Variants in CALN1 observed in about 807,000 individuals in gnomAD.
CALN1 encodes calneuron 1, also known as calcium-binding protein 8.
Under a neutral mutation model 30.6 loss-of-function variants are expected in CALN1, and 17 were observed. That is an observed-to-expected ratio of 0.56 (90% CI 0.38 to 0.83). The LOEUF (loss-of-function observed/expected upper bound fraction) is 0.83. CALN1 is among the 40% of genes least tolerant of loss of function. The pLI is 0.00. For synonymous variants in CALN1, 156 were observed against 131.4 expected, an observed-to-expected ratio of 1.19 and a Z score of -1.28; for missense variants, 291 against 354.9, an observed-to-expected ratio of 0.82 and a Z score of 1.45.
chr7:72,311,651 A>ATTTT (rs56197069), intron 2 of CALN1, among the ~76,000 whole-genome samples: 2 of 48,468 alleles, frequency 4.1e-5, no homozygotes, highest in African/African-American at 1.6e-4. Context: ...CCTGGCTGAG[A>ATTTT]TTTTTTTTTT....
intron 1 of CALN1, among the ~76,000 whole-genome samples, chr7:72,404,192 C>A (rs1227480293): frequency 6.6e-6 from 1 of 152,170 alleles, no homozygotes; most frequent in African/African-American, 2.4e-5. Flanking sequence ...TTAAGGCACC[C>A]CTCGTCTCTG....
chr7:72,014,069 G>A (rs953747349), intron 5 of CALN1, among the ~76,000 whole-genome samples: 1 of 144,548 alleles, frequency 6.9e-6, no homozygotes, highest in Admixed American at 6.9e-5. Context: ...TTCTATCAGT[G>A]TTATATGAGT....
intron 3 of CALN1, among the ~76,000 whole-genome samples, chr7:72,225,070 C>G (rs1182644023): frequency 1.3e-5 from 2 of 151,566 alleles, no homozygotes; most frequent in African/African-American, 4.8e-5. Context: ...CCACTGCACT[C>G]TAGCCTGGGT....
At chr7:71,988,624 T>C (rs981749581) in intron 5 of CALN1, among the ~76,000 whole-genome samples, 1 of 152,166 alleles carries the variant, frequency 6.6e-6, no homozygotes. Flanking sequence ...TTTCTGTGTG[T>C]ATTCTTCTGG....
intron 5 of CALN1, among the ~76,000 whole-genome samples, chr7:71,937,764 C>A (rs1473653546): frequency 6.6e-6 from 1 of 152,216 alleles, no homozygotes; most frequent in African/African-American, 2.4e-5. Flanking sequence ...CAGGCATGAG[C>A]CACTGCACCT....
intron 2 of CALN1, among the ~76,000 whole-genome samples, chr7:72,384,603 T>C (rs1237470365): frequency 6.6e-6 from 1 of 151,612 alleles, no homozygotes; most frequent in Non-Finnish European, 1.5e-5. Context: ...TGTGATCAGC[T>C]ACTGCACTCC....
intron 5 of CALN1, among the ~76,000 whole-genome samples, chr7:71,932,109 T>A (rs916169995): frequency 6.6e-6 from 1 of 152,178 alleles, no homozygotes; most frequent in Non-Finnish European, 1.5e-5. Flanking sequence ...GAGTCCCAGG[T>A]TGTCAGTGTG....
chr7:72,455,123 G>A, the CALN1 span, among the ~76,000 whole-genome samples: 20 of 151,846 alleles, frequency 1.3e-4, no homozygotes, highest in Admixed American at 5.3e-4. Flanking sequence ...GAGCCACCGC[G>A]CCCGGCCTCT....
At chr7:72,298,972 G>A (rs1167007342) in intron 2 of CALN1, among the ~76,000 whole-genome samples, 2 of 152,034 alleles carry the variant, frequency 1.3e-5, no homozygotes, top group Non-Finnish European at 2.9e-5. Flanking sequence ...TCTTTCTTTT[G>A]TAAATTGTCC....
At chr7:71,796,774 G>T (rs1319133198) in intron 6 of CALN1, among the ~76,000 whole-genome samples, 2 of 152,086 alleles carry the variant, frequency 1.3e-5, no homozygotes, top group Non-Finnish European at 2.9e-5. Flanking sequence ...ACAGTCCTTG[G>T]CACAGTGGAA....
At chr7:71,981,668 C>T (rs1480868391) in intron 5 of CALN1, among the ~76,000 whole-genome samples, 3 of 140,146 alleles carry the variant, frequency 2.1e-5, no homozygotes, top group African/African-American at 9.1e-5. Flanking sequence ...AATGAAAAAA[C>T]AAAACCAAAA....
intron 2 of CALN1, among the ~76,000 whole-genome samples, chr7:72,394,107 G>A (rs1180695121): frequency 6.6e-6 from 1 of 152,238 alleles, no homozygotes; most frequent in East Asian, 1.9e-4. Flanking sequence ...TATGTATGGT[G>A]GAGTGCAGAA....
intron 1 of CALN1, among the ~76,000 whole-genome samples, chr7:72,409,329 C>T (rs116397153): frequency 1.0e-3 from 152 of 151,858 alleles, no homozygotes; most frequent in African/African-American, 3.5e-3. Context: ...TGCTTGTAAC[C>T]CATGCACCAG....
At chr7:72,211,130 T>C (rs770011644) in intron 3 of CALN1, among the ~76,000 whole-genome samples, 23 of 152,268 alleles carry the variant, frequency 1.5e-4, no homozygotes, top group East Asian at 3.9e-4. Context: ...AGGGTTCGTA[T>C]TGCCAACAAA....
chr7:72,156,018 C>T (rs1787654924), intron 3 of CALN1, among the ~76,000 whole-genome samples: 1 of 152,164 alleles, frequency 6.6e-6, no homozygotes, highest in South Asian at 2.1e-4. Context: ...ATCTCTTAAT[C>T]ACATCTGCAA....
At chr7:72,278,099 T>C (rs553728816) in intron 3 of CALN1, among the ~76,000 whole-genome samples, 1 of 151,290 alleles carries the variant, frequency 6.6e-6, no homozygotes, top group Non-Finnish European at 1.5e-5. Flanking sequence ...AATTTAGTCA[T>C]CACGTTCCCA....
At chr7:72,391,923 T>A (rs1409664931) in intron 2 of CALN1, among the ~76,000 whole-genome samples, 4 of 152,174 alleles carry the variant, frequency 2.6e-5, no homozygotes, top group African/African-American at 9.7e-5. Context: ...CTCCTTCTGT[T>A]GAGATGTGGT....
chr7:71,872,372 C>T (rs769625524), intron 5 of CALN1, among the ~76,000 whole-genome samples: 3 of 152,178 alleles, frequency 2.0e-5, no homozygotes, highest in Non-Finnish European at 4.4e-5. Flanking sequence ...TTATTCTAAG[C>T]TCTGCAGAAT....
Position 72,210,636 on chromosome 7 carries a change from T to A in CALN1, c.244+68050A>T, listed in dbSNP as rs115047145. Among the ~76,000 whole-genome samples the A allele has an allele frequency of 3.4e-3, 522 of 152,008 alleles. 3 individuals carry two copies. Among genetic ancestry groups the A allele is most frequent in the African/African-American group, 0.012 (489 of 41,454 alleles). ...GAACTCAGGAGGAACTACCAAACAC[T>A]TAAAAAAACAGCAGATCTCATAAGA... On this transcript the variant is annotated intron_variant, in intron 3 of 6. Coordinates refer to ENST00000395275, the MANE Select transcript of CALN1 (RefSeq NM_031468.4).
Sources: allele counts gnomAD v4.1 joint callset (sites outside exome capture counted in the v4.1 genomes callset), GRCh38; gene constraint gnomAD v4.1.1; transcripts MANE v1.5; gene names NCBI Gene and HGNC (gene_info 2026-07-23, HGNC 2026-07-21).